MSTO1: variants seen among roughly 807,000 people sequenced by gnomAD.
The protein encoded by MSTO1 is misato mitochondrial distribution and morphology regulator 1, also known as protein misato homolog 1.
A neutral mutation model predicts 55.7 loss-of-function variants in MSTO1; 24 were observed. The ratio of observed to expected loss-of-function variants is 0.43; its 90% CI spans 0.31 to 0.61. The LOEUF (loss-of-function observed/expected upper bound fraction) is 0.61, where lower values mean the gene tolerates loss of function less well. Ranked by LOEUF, MSTO1 falls within the 20% of genes least tolerant of loss-of-function variation. MSTO1 has a pLI of 0.09. For missense variants in MSTO1, 363 were observed against 625.7 expected (o/e 0.58, Z 4.48); for synonymous variants, 162 against 252.8 (o/e 0.64, Z 3.41).
In MSTO1 at chr1:155,613,081, C is replaced by T; in HGVS notation, c.1131C>T (p.Pro377=). 6.2e-7 allele frequency: 1 copy of T among 1,613,718 alleles called. No individual in the cohort carries two copies. The highest frequency in any genetic ancestry group is 8.5e-7 in the Non-Finnish European group (1 of 1,180,010). The change falls in exon 11 of 14, where the codon CCC becomes CCT. Residue 377 remains proline, a synonymous_variant. Transcript: ENST00000245564. ...VVTAGAIIPF[P]LAPGQSLPDS... is the part of the protein sequence containing the mutation. ...CAGCAGGAGCAATCATCCCTTTCCC[C>T]TTGGCTCCAGGCCAGTCCCTTCCTG...
the MSTO1 span, among the ~76,000 whole-genome samples, chr1:155,568,529 C>G: frequency 6.6e-6 from 1 of 152,154 alleles, no homozygotes; most frequent in East Asian, 1.9e-4. Context: ...ACTTCCGCCT[C>G]CCGGATTCAA....
chr1:155,567,205 C>T, the MSTO1 span, among the ~76,000 whole-genome samples: 3 of 151,888 alleles, frequency 2.0e-5, no homozygotes, highest in South Asian at 2.1e-4. Flanking sequence ...CTCACTGCAA[C>T]CTCTGCCTCC....
At chr1:155,576,943 A>G in the MSTO1 span, among the ~76,000 whole-genome samples, 1 of 115,688 alleles carries the variant, frequency 8.6e-6, no homozygotes, top group African/African-American at 3.3e-5. Context: ...TGAACCCGGG[A>G]GGCGGAGGTT....
the MSTO1 span, among the ~76,000 whole-genome samples, chr1:155,604,526 A>G: frequency 6.6e-6 from 1 of 152,248 alleles, no homozygotes; most frequent in Admixed American, 6.5e-5. Flanking sequence ...AGTAATTCAA[A>G]TTAAATGATT....
At chr1:155,579,139 C>A in the MSTO1 span, among the ~76,000 whole-genome samples, 1 of 151,696 alleles carries the variant, frequency 6.6e-6, no homozygotes, top group South Asian at 2.1e-4. Context: ...GAAACCCCGT[C>A]TCTACTGAAA....
At chr1:155,587,482 G>T in the MSTO1 span, among the ~76,000 whole-genome samples, 1 of 145,282 alleles carries the variant, frequency 6.9e-6, no homozygotes, top group Non-Finnish European at 1.5e-5. Context: ...GGTGGCTCAC[G>T]CCTGTAATCC....
chr1:155,592,397 G>A, the MSTO1 span, among the ~76,000 whole-genome samples: 1 of 152,180 alleles, frequency 6.6e-6, no homozygotes, highest in Non-Finnish European at 1.5e-5. Flanking sequence ...TAGGTGTTTA[G>A]CCAAAGGAAT....
the MSTO1 span, among the ~76,000 whole-genome samples, chr1:155,579,993 T>C: frequency 6.6e-6 from 1 of 151,676 alleles, no homozygotes; most frequent in Non-Finnish European, 1.5e-5. Context: ...AGAGAATTTC[T>C]TGAACCCGGG....
Position 155,612,863 on chromosome 1 carries a change from G to A in MSTO1, c.986G>A (p.Cys329Tyr). Residue 329 changes from cysteine to tyrosine, a missense_variant, in exon 10 of 14, where the codon TGC (cysteine) becomes TAC (tyrosine). This residue lies in a region of MSTO1 where 231 missense variants were observed against 286.9 expected (regional missense o/e 0.81). Coordinates refer to ENST00000245564, the MANE Select transcript of MSTO1 (RefSeq NM_018116.4). ...LHYDATLPFH[C>Y]SAILATALDT... ...TTACAGGCCACTCTGCCCTTCCACT[G>A]CAGTGCCATCCTGGCTACAGCCCTG... The A allele has an allele frequency of 6.2e-7, 1 of 1,613,862 alleles. No homozygotes were observed. Among genetic ancestry groups the A allele is most frequent in the Non-Finnish European group, 8.5e-7 (1 of 1,179,826 alleles).
At chr1:155,605,419 C>CA (rs1038766698), upstream of MSTO1, among the ~76,000 whole-genome samples, 2 of 151,828 alleles carry the variant, frequency 1.3e-5, no homozygotes, top group African/African-American at 4.8e-5. Context: ...GACAAATTTC[C>CA]AAAAAAATAT....
At chr1:155,608,060 G>C (rs761813548), upstream of MSTO1, among the ~76,000 whole-genome samples, 2 of 152,130 alleles carry the variant, frequency 1.3e-5, no homozygotes, top group Non-Finnish European at 2.9e-5. Flanking sequence ...GAAGAGATAA[G>C]AGCATCTAAC....
At chr1:155,613,349 A>T (rs1246906599) in intron 11 of MSTO1, 113 bp from the exon 12 acceptor site, 7 of 1,562,762 alleles carry the variant, frequency 4.5e-6, no homozygotes, top group Non-Finnish European at 6.1e-6. Context: ...TTAAAAAGGA[A>T]AAAAAAAAGG....
At chr1:155,602,610 C>T in the MSTO1 span, among the ~76,000 whole-genome samples, 1 of 152,208 alleles carries the variant, frequency 6.6e-6, no homozygotes, top group South Asian at 2.1e-4. Context: ...TGGGTACCAA[C>T]AGACTATGGA....
the MSTO1 span, chr1:155,598,964 T>C: frequency 9.0e-7 from 1 of 1,113,026 alleles, no homozygotes; most frequent in Non-Finnish European, 1.3e-6. Context: ...AGTTATCTTG[T>C]TACCGTGGTA....
the MSTO1 span, among the ~76,000 whole-genome samples, chr1:155,584,683 A>AG: frequency 8.4e-5 from 12 of 143,652 alleles, no homozygotes; most frequent in African/African-American, 2.3e-4. Context: ...AAAAAAAAAA[A>AG]AAAAAAAAAA....
chr1:155,612,524 G>C lies in MSTO1; in HGVS notation c.920G>C (p.Gly307Ala), dbSNP rs751943144. The C allele has an allele frequency of 8.1e-6, 13 of 1,613,406 alleles. No individual in the cohort carries two copies. Among genetic ancestry groups the C allele is most frequent in the Non-Finnish European group, 1.1e-5 (13 of 1,179,970 alleles). ...VCPLSLGGSL[G>A]LRPEPPVSFP... ...CCCTTGTCCTTGGGTGGGAGCCTGG[G>C]CCTGCGACCCGAGCCACCTGTCAGC... Residue 307 changes from glycine (G) to alanine (A), a missense_variant, in exon 9 of 14, where the codon GGC (glycine) becomes GCC (alanine). By Grantham distance (60) the Gly-to-Ala change is moderately conservative (BLOSUM62 0). Coordinates refer to ENST00000245564, the MANE Select transcript of MSTO1 (RefSeq NM_018116.4).
At chr1:155,601,415 G>A in the MSTO1 span, among the ~76,000 whole-genome samples, 1 of 152,056 alleles carries the variant, frequency 6.6e-6, no homozygotes, top group South Asian at 2.1e-4. Context: ...AGGATTACAG[G>A]TGTAAGCCAC....
the MSTO1 span, among the ~76,000 whole-genome samples, chr1:155,593,063 C>T: frequency 6.6e-6 from 1 of 152,130 alleles, no homozygotes; most frequent in Non-Finnish European, 1.5e-5. Flanking sequence ...AGGCGTGCAA[C>T]ACCACACCTG....
At chr1:155,578,762 G>A in the MSTO1 span, among the ~76,000 whole-genome samples, 3 of 149,422 alleles carry the variant, frequency 2.0e-5, no homozygotes, top group African/African-American at 4.9e-5. Context: ...CGCCCGCCTC[G>A]GCCTCCCAAA....
Sources: allele counts gnomAD v4.1 joint callset (sites outside exome capture counted in the v4.1 genomes callset), GRCh38; gene constraint gnomAD v4.1.1; regional missense constraint gnomAD v4.1.1; transcripts MANE v1.5; gene names NCBI Gene and HGNC (gene_info 2026-07-23, HGNC 2026-07-21).